The following HAUS8 variants were observed in gnomAD, a reference collection of about 807,000 sequenced individuals.
The protein encoded by HAUS8 is HAUS augmin-like complex subunit 8.
A neutral mutation model predicts 42.9 loss-of-function variants in HAUS8; 38 were observed. That is an observed-to-expected ratio of 0.89 (90% CI 0.68 to 1.16). HAUS8 has a LOEUF of 1.16. Among genes scored for constraint, HAUS8 ranks in the 50% most tolerant of loss-of-function variants. The pLI, the probability that HAUS8 is intolerant of heterozygous loss-of-function variation, is 0.00. For missense variants in HAUS8, 494 were observed against 511.6 expected (o/e 0.97, Z 0.33); for synonymous variants, 199 against 205.8 (o/e 0.97, Z 0.28).
At chr19:17,075,022 C>A in intron 1 of HAUS8, 1 of 305,090 alleles carries the variant, frequency 3.3e-6, no homozygotes, top group Non-Finnish European at 6.3e-6. Flanking sequence ...ACGATAATTC[C>A]AAGAGCGACA....
At chr19:17,066,275 A>T (rs866721105) in intron 3 of HAUS8, among the ~76,000 whole-genome samples, 5 of 151,764 alleles carry the variant, frequency 3.3e-5, no homozygotes, top group South Asian at 2.1e-4. Context: ...AAAAAAAAAA[A>T]TTTCAGAGAC....
At chr19:17,055,114 G>GGAA (rs1342027832) in intron 9 of HAUS8, 12 of 4,720 alleles carry the variant, frequency 2.5e-3, no homozygotes, top group African/African-American at 6.9e-3. Context: ...CGTCTCTACA[G>GGAA]AAAAAAAAAA....
intron 10 of HAUS8, 36 bp downstream of exon 10, chr19:17,052,789 G>C (rs756028655): frequency 1.1e-4 from 185 of 1,613,092 alleles, no homozygotes; most frequent in Non-Finnish European, 1.4e-4. Flanking sequence ...GAGCAAACAG[G>C]GTGCCACCTC....
Position 17,059,636 on chromosome 19 carries a change from T to C in HAUS8, c.341A>G (p.Lys114Arg). ...TGTTTTTGCTAACTGTGGCGTCTTT[T>C]TGACGATGCTTTTGTCTAAGATAAA... ...LSAINDKSIVKKTPQLAKTIS... is the reference protein window; with the variant it reads ...LSAINDKSIVRKTPQLAKTIS... The change falls in exon 6 of 11, where the codon AAA (lysine) becomes AGA (arginine). Residue 114 changes from lysine to arginine, a missense_variant. Physicochemically the swap from Lys to Arg is conservative, Grantham distance 26. Transcript: ENST00000253669. The C allele has an allele frequency of 6.2e-7, 1 of 1,613,392 alleles. No individual in the cohort carries two copies. Among genetic ancestry groups the C allele is most frequent in the Non-Finnish European group, 8.5e-7 (1 of 1,179,406 alleles).
rs35562523 is a variant in HAUS8, at chr19:17,060,225, T to TA, written c.230-134dup. On this transcript the variant is annotated intron_variant, in intron 4 of 10. Transcript: ENST00000253669. ...CCAATTTCGTCCAAGGTGGAAAGGC[T>TA]AAAAAAAAAAAAAAAAAAAAAACCT... 2,766 of 278,330 alleles carry TA rather than the reference T, an allele frequency of 9.9e-3. 2 individuals are homozygous for TA. Among genetic ancestry groups the TA allele is most frequent in the East Asian group, 0.026 (433 of 16,402 alleles). 17.2% of individuals were successfully genotyped at this position (278,330 alleles called of 1,614,324 possible).
intron 3 of HAUS8, among the ~76,000 whole-genome samples, chr19:17,067,743 A>G (rs2057395707): frequency 6.6e-6 from 1 of 152,200 alleles, no homozygotes; most frequent in Admixed American, 6.5e-5. Context: ...CTCAAGCCGA[A>G]TCTTAAGTCA....
At chr19:17,069,780 C>G (rs964745134) in intron 2 of HAUS8, among the ~76,000 whole-genome samples, 2 of 152,008 alleles carry the variant, frequency 1.3e-5, no homozygotes, top group African/African-American at 4.8e-5. Context: ...CTCCCACCTC[C>G]TACGCCAGGC....
intron 3 of HAUS8, among the ~76,000 whole-genome samples, chr19:17,064,913 A>G (rs1490223941): frequency 6.6e-6 from 1 of 152,258 alleles, no homozygotes; most frequent in Non-Finnish European, 1.5e-5. Flanking sequence ...AACAGCATGA[A>G]AAGACAAGCC....
chr19:17,056,077 G>A lies in HAUS8; in HGVS notation c.646-75C>T, dbSNP rs905905311. ...AAACTTAACAGAAGCTTAACGGCTT[G>A]TGCAGGGTTAAGATACAGCGCTGTT... On this transcript the variant is annotated intron_variant, in intron 8 of 10. Coordinates refer to ENST00000253669, the MANE Select transcript of HAUS8 (RefSeq NM_033417.2). 1.3e-5 allele frequency: 19 copies of A among 1,422,148 alleles called. No individual in the cohort carries two copies. In the Admixed American group the frequency reaches 2.8e-4, roughly 21 times the overall value. The allele number at this position is 1,422,148 out of a possible 1,614,324, so 88.1% of individuals were successfully genotyped here.
At chr19:17,056,792 T>C (rs1323639301) in intron 8 of HAUS8, among the ~76,000 whole-genome samples, 2 of 151,966 alleles carry the variant, frequency 1.3e-5, no homozygotes, top group African/African-American at 2.4e-5. Context: ...GGTTTCACCA[T>C]GTTGGCCAGG....
chr19:17,067,204 C>CAAAA (rs113437145), intron 3 of HAUS8, among the ~76,000 whole-genome samples: 6 of 124,428 alleles, frequency 4.8e-5, no homozygotes, highest in African/African-American at 1.8e-4. Context: ...GACTCCATCT[C>CAAAA]AAAAAAAAAA....
chr19:17,054,657 C>T (rs554345379), intron 9 of HAUS8, among the ~76,000 whole-genome samples: 29 of 151,930 alleles, frequency 1.9e-4, no homozygotes, highest in African/African-American at 6.3e-4. Flanking sequence ...CAACATTAGC[C>T]GGGCATAGTG....
Position 17,059,959 on chromosome 19 carries a change from C to A in HAUS8, c.325+38G>T, listed in dbSNP as rs973845429. 3 of 1,461,934 alleles carry A rather than the reference C, an allele frequency of 2.1e-6. No homozygotes were observed. In the Admixed American group the frequency reaches 5.0e-5, roughly 24 times the overall value. The allele number at this position is 1,461,934 out of a possible 1,614,324, so 90.6% of individuals were successfully genotyped here. A position where few individuals can be genotyped will look rare whatever the true frequency, so the allele number is the denominator to read the frequency against. ...AAGCCCACTGAGACCTACTGCAACC[C>A]CCAGTGAGTGACAGAAGGGGTGAAA... On this transcript the variant is annotated intron_variant, in intron 5 of 10. Coordinates refer to ENST00000253669, the MANE Select transcript of HAUS8 (RefSeq NM_033417.2).
At chr19:17,070,095 C>G (rs753378661) in intron 2 of HAUS8, among the ~76,000 whole-genome samples, 11 of 152,044 alleles carry the variant, frequency 7.2e-5, no homozygotes, top group Non-Finnish European at 1.6e-4. Context: ...TCTGCCTCCC[C>G]CCATTTCTCC....
chr19:17,052,715 G>T, intron 10 of HAUS8, 110 bp downstream of exon 10: 1 of 1,164,264 alleles, frequency 8.6e-7, no homozygotes, highest in Non-Finnish European at 1.3e-6. Context: ...TCAGGGGACT[G>T]AACCTCCTCT....
intron 9 of HAUS8, 149 bp from the exon 10 acceptor site, chr19:17,053,115 G>A (rs1358648500): frequency 2.4e-6 from 2 of 828,340 alleles, no homozygotes; most frequent in Non-Finnish European, 3.8e-6. Flanking sequence ...AGAAGCCAAG[G>A]AAGACATTCG....
chr19:17,073,093 C>T (rs1315748263), intron 2 of HAUS8, among the ~76,000 whole-genome samples, 181 bp downstream of exon 2: 1 of 152,182 alleles, frequency 6.6e-6, no homozygotes, highest in African/African-American at 2.4e-5. Flanking sequence ...AAATGACCAC[C>T]ACCATTCCTG....
rs1033428967 is a variant in HAUS8, at chr19:17,072,864, C to G, written c.91+410G>C. ...GGGGCAGTGGTTAATGCCTGTAATC[C>G]CAACACTTTGGGAGGCAGAGGCGGG... On this transcript the variant is annotated intron_variant, in intron 2 of 10. Coordinates refer to ENST00000253669, the MANE Select transcript of HAUS8 (RefSeq NM_033417.2). Among the ~76,000 whole-genome samples the G allele has an allele frequency of 2.0e-5, 3 of 149,770 alleles. No homozygotes were observed. In the Admixed American group the frequency reaches 2.0e-4, roughly 10 times the overall value.
chr19:17,075,007 G>A (rs1228448815), intron 1 of HAUS8: 2 of 268,460 alleles, frequency 7.4e-6, no homozygotes, highest in Admixed American at 4.6e-5. Context: ...CTTGTTCACT[G>A]CATAACGATA....
Sources: gnomAD v4.1 joint callset for allele counts (sites outside exome capture counted in the v4.1 genomes callset) on GRCh38, gnomAD v4.1.1 for gene constraint, MANE v1.5 for transcripts, NCBI Gene and HGNC (gene_info 2026-07-23, HGNC 2026-07-21) for gene names.